The following C12orf42 variants were observed in gnomAD, a reference collection of about 807,000 sequenced individuals.
The protein encoded by C12orf42 is chromosome 12 open reading frame 42, also known as uncharacterized protein C12orf42.
In C12orf42, 25 loss-of-function variants were observed where a neutral mutation model predicts 21.6. That is an observed-to-expected ratio of 1.16 (90% CI 0.84 to 1.62). C12orf42 has a LOEUF of 1.62. C12orf42 is among the 40% of genes most tolerant of loss of function. The pLI, the probability that C12orf42 is intolerant of heterozygous loss-of-function variation, is 0.00. For missense variants in C12orf42, 483 were observed against 459.3 expected (o/e 1.05, Z -0.47); for synonymous variants, 174 against 175.0 (o/e 0.99, Z 0.05).
At chr12:103,306,638 A>C (rs2038362937) in intron 4 of C12orf42, among the ~76,000 whole-genome samples, 1 of 152,126 alleles carries the variant, frequency 6.6e-6, no homozygotes, top group Non-Finnish European at 1.5e-5. Context: ...TATCTAGCAG[A>C]TAGTATTATT....
chr12:103,351,873 C>G (rs1026740044), intron 4 of C12orf42, among the ~76,000 whole-genome samples: 2 of 152,100 alleles, frequency 1.3e-5, no homozygotes, highest in Non-Finnish European at 2.9e-5. Context: ...CAAGACACAA[C>G]AAATTCCTTA....
At chr12:103,360,078 C>T (rs937723990) in intron 4 of C12orf42, among the ~76,000 whole-genome samples, 1 of 150,256 alleles carries the variant, frequency 6.7e-6, no homozygotes, top group Non-Finnish European at 1.5e-5. Flanking sequence ...TGTAGTCTTG[C>T]CCCTTCAACC....
chr12:103,251,332 T>C (rs1380543903), intron 10 of C12orf42, among the ~76,000 whole-genome samples: 1 of 152,174 alleles, frequency 6.6e-6, no homozygotes, highest in Non-Finnish European at 1.5e-5. Flanking sequence ...TTCCTCATGA[T>C]GCTGGTTAGT....
chr12:103,256,105 TATATATACACACACACACACAC>T (rs1366459331), intron 10 of C12orf42, among the ~76,000 whole-genome samples: 9 of 37,844 alleles, frequency 2.4e-4, no homozygotes, highest in East Asian at 2.2e-3. Flanking sequence ...TATATATATA[TATATATACACACACACACACAC>T]ACACACACAC....
chr12:103,089,803 A>G, the C12orf42 span, among the ~76,000 whole-genome samples: 1 of 152,212 alleles, frequency 6.6e-6, no homozygotes, highest in Non-Finnish European at 1.5e-5. Context: ...TGAAAAACTT[A>G]AAGTGTCTCT....
At chr12:103,096,134 T>A in the C12orf42 span, among the ~76,000 whole-genome samples, 1 of 152,180 alleles carries the variant, frequency 6.6e-6, no homozygotes, top group Non-Finnish European at 1.5e-5. Context: ...CTAATCTATT[T>A]TTGTAAAACT....
rs528988254 is a variant in C12orf42 at position 103,393,557 on chromosome 12, C to A, written c.147+8050G>T. On this transcript the variant is annotated intron_variant, in intron 3 of 5. Transcript: ENST00000548883. ...AAGGCTCTTATATGACAAATATCAA[C>A]AACAACACATGCTTCCGTTCCCTTA... is the stretch of plus-strand genomic sequence containing the variant. 3.3e-5 allele frequency among the ~76,000 whole-genome samples: 5 copies of A among 152,242 alleles called. No homozygotes were observed. In the South Asian group the frequency reaches 1.0e-3, roughly 32 times the overall value.
intron 2 of C12orf42, among the ~76,000 whole-genome samples, chr12:103,410,147 T>A (rs1454206700): frequency 6.6e-6 from 1 of 152,156 alleles, no homozygotes; most frequent in Non-Finnish European, 1.5e-5. Flanking sequence ...CCCACTGTCA[T>A]CCAGTCAGTA....
At chr12:103,096,529 G>T in the C12orf42 span, among the ~76,000 whole-genome samples, 1 of 152,104 alleles carries the variant, frequency 6.6e-6, no homozygotes, top group Non-Finnish European at 1.5e-5. Context: ...ACTAACGTAT[G>T]ATTTTATTGA....
chr12:103,519,141 C>T, the C12orf42 span, among the ~76,000 whole-genome samples: 1 of 152,228 alleles, frequency 6.6e-6, no homozygotes, highest in South Asian at 2.1e-4. Flanking sequence ...CTTTCTGCCA[C>T]CTTGTAAAGA....
intron 3 of C12orf42, among the ~76,000 whole-genome samples, chr12:103,387,537 G>A (rs1298212963): frequency 6.6e-6 from 1 of 152,200 alleles, no homozygotes; most frequent in Non-Finnish European, 1.5e-5. Flanking sequence ...CCTTGCCAAG[G>A]GGAAGAGGAG....
the C12orf42 span, among the ~76,000 whole-genome samples, chr12:103,194,456 T>C: frequency 6.6e-6 from 1 of 152,110 alleles, no homozygotes; most frequent in African/African-American, 2.4e-5. Context: ...AACTAGTAAA[T>C]AAATACAGCA....
the C12orf42 span, among the ~76,000 whole-genome samples, chr12:103,053,366 A>G: frequency 3.9e-5 from 6 of 151,920 alleles, no homozygotes; most frequent in East Asian, 1.9e-4. Context: ...ACATCTTTTC[A>G]TGGGCTTATT....
At chr12:103,081,804 ATTAAT>A in the C12orf42 span, among the ~76,000 whole-genome samples, 3 of 152,142 alleles carry the variant, frequency 2.0e-5, no homozygotes, top group Non-Finnish European at 1.5e-5. Context: ...TTATTACTAA[ATTAAT>A]TTGATAAAGA....
chr12:103,421,436 T>C (rs1302004881), intron 2 of C12orf42, among the ~76,000 whole-genome samples: 1 of 151,876 alleles, frequency 6.6e-6, no homozygotes, highest in Non-Finnish European at 1.5e-5. Context: ...TACCTGAGTG[T>C]GGTGGTGTGT....
chr12:103,139,540 G>A, the C12orf42 span, among the ~76,000 whole-genome samples: 1 of 151,774 alleles, frequency 6.6e-6, no homozygotes, highest in Non-Finnish European at 1.5e-5. Context: ...AGCAAAAAGG[G>A]GGCCAAAAGT....
chr12:103,052,146 C>T, the C12orf42 span, among the ~76,000 whole-genome samples: 1 of 152,082 alleles, frequency 6.6e-6, no homozygotes, highest in South Asian at 2.1e-4. Context: ...AATAATGCTG[C>T]CTTGAACATT....
chr12:103,506,879 T>TA, the C12orf42 span, among the ~76,000 whole-genome samples: 60 of 46,896 alleles, frequency 1.3e-3, no homozygotes, highest in Admixed American at 2.2e-3. Flanking sequence ...TATTTATATA[T>TA]TATATATTAA....
intron 10 of C12orf42, among the ~76,000 whole-genome samples, chr12:103,258,917 A>G (rs975676275): frequency 6.6e-6 from 1 of 152,210 alleles, no homozygotes; most frequent in African/African-American, 2.4e-5. Context: ...TGTCAATTTA[A>G]CATAATTTTA....
Sources: allele counts gnomAD v4.1 joint callset (sites outside exome capture counted in the v4.1 genomes callset), GRCh38; gene constraint gnomAD v4.1.1; transcripts MANE v1.5; gene names NCBI Gene and HGNC (gene_info 2026-07-23, HGNC 2026-07-21).